CACNA1C: variants seen among roughly 807,000 people sequenced by gnomAD.
CACNA1C encodes voltage-dependent L-type calcium channel subunit alpha-1C.
Under a neutral mutation model 229.0 loss-of-function variants are expected in CACNA1C, and 30 were observed. The observed-to-expected ratio is 0.13, with a 90% CI of 0.10 to 0.18. CACNA1C has a LOEUF of 0.18. CACNA1C is among the 10% of genes least tolerant of loss of function. The pLI is 1.00. For synonymous variants in CACNA1C, 1,114 were observed against 1,132.5 expected, an observed-to-expected ratio of 0.98 and a Z score of 0.33; for missense variants, 1,658 against 2,845.0, an observed-to-expected ratio of 0.58 and a Z score of 9.49.
Position 2,029,726 on chromosome 12 carries a change from C to T in CACNA1C, c.139+58525C>T, listed in dbSNP as rs2154491618. Among the ~76,000 whole-genome samples the T allele has an allele frequency of 6.6e-6, 1 of 152,344 alleles. No homozygotes were observed. The highest frequency in any genetic ancestry group is 1.5e-5 in the Non-Finnish European group (1 of 68,042). On this transcript the variant is annotated intron_variant, in intron 1 of 46. Transcript: ENST00000682462. The surrounding 1 kb of genome is among the most constrained non-coding windows in gnomAD (Gnocchi z 4.9). ...CAGTTTTCTGTTTCTTTCCACCCCA[C>T]AACTTGGTCATTAGTAAGGGGCTAA...
intron 3 of CACNA1C, among the ~76,000 whole-genome samples, chr12:2,131,918 T>C (rs1028389233): frequency 6.8e-6 from 1 of 146,922 alleles, no homozygotes; most frequent in African/African-American, 2.6e-5. Flanking sequence ...TTCACAATAT[T>C]GATTCTTCCT....
Position 2,511,604 on chromosome 12 carries a change from A to T in CACNA1C, c.1218-1208A>T, listed in dbSNP as rs545133543. 2.7e-4 allele frequency among the ~76,000 whole-genome samples: 41 copies of T among 152,152 alleles called. 1 individual carries two copies. Among genetic ancestry groups the T allele is most frequent in the Admixed American group, 2.7e-3 (41 of 15,278 alleles). On this transcript the variant is annotated intron_variant, in intron 8 of 46. Transcript: ENST00000399655. ...CACACACACACACAAATACACACAT[A>T]CATGCACCACCAAGGGCCTCATTCC...
chr12:2,584,791 T>C (rs2153230001), intron 16 of CACNA1C, among the ~76,000 whole-genome samples, 174 bp downstream of exon 16: 1 of 152,260 alleles, frequency 6.6e-6, no homozygotes, highest in Middle Eastern at 3.4e-3. Flanking sequence ...TAAGCATCAC[T>C]CTGGTAGGGA....
In CACNA1C at chr12:2,467,398, G is replaced by A. The variant is rs560589839; in HGVS notation, c.757+9692G>A. On this transcript the variant is annotated intron_variant, in intron 5 of 46. Coordinates refer to ENST00000399655, the MANE Select transcript of CACNA1C (RefSeq NM_000719.7). This position sits in a 1 kb window ranked among gnomAD's most constrained non-coding sequence, Gnocchi z 4.6. The stretch of plus-strand genomic sequence containing the variant: ...TGGGCAGGACCCTTGCTTCCTGCAC[G>A]GTCTGCAAGGGGACTCTGATGGCAA... Among the ~76,000 whole-genome samples the A allele has an allele frequency of 2.6e-5, 4 of 152,244 alleles. No homozygotes were observed. The highest frequency in any genetic ancestry group is 6.5e-5 in the Admixed American group (1 of 15,308).
rs2096150901 is a variant in CACNA1C, at chr12:2,666,868, C to T, written c.4623+86C>T. 1 of 809,776 alleles carries T rather than the reference C, an allele frequency of 1.2e-6. No homozygotes were observed. Among genetic ancestry groups the T allele is most frequent in the South Asian group, 1.4e-5 (1 of 69,032 alleles). 50.2% of individuals were successfully genotyped at this position (809,776 alleles called of 1,614,324 possible). On this transcript the variant is annotated intron_variant, in intron 37 of 46. Coordinates refer to ENST00000399655, the MANE Select transcript of CACNA1C (RefSeq NM_000719.7). This position sits in a 1 kb window ranked among gnomAD's most constrained non-coding sequence, Gnocchi z 5.3. ...TCTTGTGATCCTTTAAGGGAATGAA[C>T]ATACTAGTTTATGTGCCTAAAGATT...
At chr12:2,237,849 A>G (rs2068046793) in intron 3 of CACNA1C, among the ~76,000 whole-genome samples, 1 of 152,228 alleles carries the variant, frequency 6.6e-6, no homozygotes, top group Non-Finnish European at 1.5e-5. Flanking sequence ...ACATTAATTA[A>G]CAAATGTGCC....
chr12:2,128,415 T>G (rs572168614), intron 3 of CACNA1C, among the ~76,000 whole-genome samples: 1 of 151,896 alleles, frequency 6.6e-6, no homozygotes, highest in East Asian at 1.9e-4. Context: ...ACATTATTTT[T>G]TTACCTTTTT....
intron 28 of CACNA1C, among the ~76,000 whole-genome samples, chr12:2,611,422 T>A (rs2077707654): frequency 8.1e-6 from 1 of 122,916 alleles, no homozygotes; most frequent in Non-Finnish European, 1.7e-5. Context: ...GGTTGATCAA[T>A]GGGGAGAGGG....
chr12:2,279,672 T>G (rs2090324746), intron 3 of CACNA1C, among the ~76,000 whole-genome samples: 1 of 152,222 alleles, frequency 6.6e-6, no homozygotes. Flanking sequence ...GTATAGTTGG[T>G]CCTTTGTATT....
chr12:2,616,869 C>T (rs900822996), intron 29 of CACNA1C, among the ~76,000 whole-genome samples: 2 of 152,248 alleles, frequency 1.3e-5, no homozygotes, highest in South Asian at 4.1e-4. Flanking sequence ...GACTTCCTGC[C>T]GGCGCCCTTG....
At chr12:2,057,554 G>A (rs997414560) in intron 1 of CACNA1C, among the ~76,000 whole-genome samples, 18 of 152,174 alleles carry the variant, frequency 1.2e-4, no homozygotes, top group African/African-American at 4.3e-4. Flanking sequence ...GTGTGTCTCC[G>A]TGCCGCCGCA....
intron 3 of CACNA1C, among the ~76,000 whole-genome samples, chr12:2,312,256 G>A (rs1342582949): frequency 6.6e-6 from 1 of 152,184 alleles, no homozygotes; most frequent in Non-Finnish European, 1.5e-5. Flanking sequence ...GAAAAGAGTT[G>A]CTGGAGGCTA....
At chr12:2,349,411 GT>G (rs1007122510) in intron 3 of CACNA1C, among the ~76,000 whole-genome samples, 2 of 151,842 alleles carry the variant, frequency 1.3e-5, no homozygotes, top group Non-Finnish European at 2.9e-5. Flanking sequence ...TGGAATCATC[GT>G]TTTTTTTAAA....
chr12:2,097,338 G>A (rs773577563), intron 1 of CACNA1C, among the ~76,000 whole-genome samples: 24 of 151,788 alleles, frequency 1.6e-4, no homozygotes, highest in Non-Finnish European at 2.9e-4. Flanking sequence ...AGTAGAGACG[G>A]GGTTTCACCA....
In CACNA1C at chr12:2,669,041, G is replaced by T. The variant is rs779722023; in HGVS notation, c.4726+6G>T. On this transcript the variant is annotated splice_donor_region_variant and intron_variant, in intron 38 of 46. Coordinates refer to ENST00000399655, the MANE Select transcript of CACNA1C (RefSeq NM_000719.7). ...CCTGAGGATCAAAACAGAAGGTAAG[G>T]TCGCCCGTGGGCACTGGGAGAGACA... The T allele has an allele frequency of 1.3e-6, 2 of 1,593,704 alleles. No individual in the cohort carries two copies. The highest frequency in any genetic ancestry group is 1.7e-6 in the Non-Finnish European group (2 of 1,161,476).
At chr12:2,000,271 C>T (rs991923425) in intron 1 of CACNA1C, among the ~76,000 whole-genome samples, 3 of 152,196 alleles carry the variant, frequency 2.0e-5, no homozygotes, top group African/African-American at 7.2e-5. Context: ...AGAACTAGGA[C>T]TTTGCAGAAC....
chr12:2,126,753 G>C (rs1426141440), intron 3 of CACNA1C, among the ~76,000 whole-genome samples: 2 of 152,184 alleles, frequency 1.3e-5, no homozygotes, highest in Non-Finnish European at 2.9e-5. Context: ...GTAAAATTGG[G>C]GCAACCAGAG....
At chr12:2,320,189 T>G (rs2095905395) in intron 3 of CACNA1C, among the ~76,000 whole-genome samples, 1 of 152,168 alleles carries the variant, frequency 6.6e-6, no homozygotes, top group Non-Finnish European at 1.5e-5. Flanking sequence ...CAGTGGTTGG[T>G]CAGTGCCATG....
In CACNA1C at chr12:2,034,357, C is replaced by A. The variant is rs1480297706; in HGVS notation, c.139+63156C>A. On this transcript the variant is annotated intron_variant, in intron 1 of 46. Transcript: ENST00000682462. This position sits in a 1 kb window ranked among gnomAD's most constrained non-coding sequence, Gnocchi z 4.1. ...GAGATGCCAGATAACTGAAAGAGAA[C>A]TACAGGGAAGATGTCAGAGGAACGA... Among the ~76,000 whole-genome samples, 1 of 152,186 alleles carries A rather than the reference C, an allele frequency of 6.6e-6. No homozygotes were observed. Among genetic ancestry groups the A allele is most frequent in the Non-Finnish European group, 1.5e-5 (1 of 68,026 alleles).
Sources: allele counts gnomAD v4.1 joint callset (sites outside exome capture counted in the v4.1 genomes callset), GRCh38; gene constraint gnomAD v4.1.1; non-coding constraint Gnocchi (gnomAD v3.1); transcripts MANE v1.5; gene names NCBI Gene and HGNC (gene_info 2026-07-23, HGNC 2026-07-21).